The following PTPRD variants were observed in gnomAD, a reference collection of about 807,000 sequenced individuals.
PTPRD encodes receptor-type tyrosine-protein phosphatase delta.
Under a neutral mutation model 214.5 loss-of-function variants are expected in PTPRD, and 34 were observed. That is an observed-to-expected ratio of 0.16 (90% confidence interval 0.12 to 0.21). The LOEUF (loss-of-function observed/expected upper bound fraction) is 0.21. Among genes scored for constraint, PTPRD ranks in the 10% least tolerant of loss-of-function variants. The pLI is 1.00. For synonymous variants in PTPRD, 1,128 were observed against 845.7 expected (o/e 1.33, Z -5.79); for missense variants, 2,545 against 2,398.7 (o/e 1.06, Z -1.27).
At chr9:9,976,438 T>C (rs991451430) in intron 4 of PTPRD, among the ~76,000 whole-genome samples, 1 of 151,834 alleles carries the variant, frequency 6.6e-6, no homozygotes, top group African/African-American at 2.4e-5. Flanking sequence ...CCAGGCAGGA[T>C]TGCAGTGGCA....
chr9:9,927,818 A>G (rs1400775648), intron 5 of PTPRD, among the ~76,000 whole-genome samples: 2 of 152,120 alleles, frequency 1.3e-5, no homozygotes, highest in Non-Finnish European at 2.9e-5. Context: ...TCATTCTTCT[A>G]GCCCTAGCTT....
At chr9:9,309,866 C>T (rs1412403465) in intron 9 of PTPRD, among the ~76,000 whole-genome samples, 3 of 152,052 alleles carry the variant, frequency 2.0e-5, no homozygotes, top group Non-Finnish European at 4.4e-5. Flanking sequence ...CTTAAGTCAG[C>T]TCAGTTTTAA....
intron 7 of PTPRD, among the ~76,000 whole-genome samples, chr9:9,678,770 A>T (rs2096993182): frequency 6.6e-6 from 1 of 151,908 alleles, no homozygotes; most frequent in Non-Finnish European, 1.5e-5. Context: ...AACTGTATGT[A>T]TAAAAAGAAG....
chr9:8,538,169 C>G (rs550866509), intron 14 of PTPRD, among the ~76,000 whole-genome samples: 10 of 151,972 alleles, frequency 6.6e-5, no homozygotes, highest in African/African-American at 2.4e-4. Context: ...TTATATTTAT[C>G]AACAAGCAGG....
intron 5 of PTPRD, among the ~76,000 whole-genome samples, chr9:9,924,348 C>A (rs544296767): frequency 2.6e-5 from 4 of 151,982 alleles, no homozygotes; most frequent in Non-Finnish European, 5.9e-5. Context: ...CTCTATTGAA[C>A]AGGACTATAG....
chr9:9,105,166 A>C (rs2099796740), intron 10 of PTPRD, among the ~76,000 whole-genome samples: 1 of 152,202 alleles, frequency 6.6e-6, no homozygotes, highest in Non-Finnish European at 1.5e-5. Context: ...CTCAAATTTT[A>C]ACTGATGAGG....
intron 10 of PTPRD, among the ~76,000 whole-genome samples, chr9:9,147,662 C>T (rs1199293230): frequency 6.6e-6 from 1 of 152,122 alleles, no homozygotes; most frequent in Non-Finnish European, 1.5e-5. Context: ...GTTACAATTG[C>T]AGAGTTGAGC....
intron 9 of PTPRD, among the ~76,000 whole-genome samples, chr9:9,310,853 G>A (rs1958745419): frequency 6.6e-6 from 1 of 151,920 alleles, no homozygotes; most frequent in Non-Finnish European, 1.5e-5. Flanking sequence ...AGGAGGCAGA[G>A]GTTGTGGTGA....
At chr9:9,871,212 T>C (rs11999516) in intron 5 of PTPRD, among the ~76,000 whole-genome samples, 8,891 of 152,094 alleles carry the variant, frequency 0.058, 812 homozygotes, top group African/African-American at 0.2. Flanking sequence ...TAAAATAGAA[T>C]AAACCAATTA....
intron 14 of PTPRD, among the ~76,000 whole-genome samples, chr9:8,567,665 G>A (rs2089793459): frequency 6.6e-6 from 1 of 152,138 alleles, no homozygotes; most frequent in Non-Finnish European, 1.5e-5. Flanking sequence ...TGCTCTTTGA[G>A]CTCAGTAAAT....
At chr9:9,899,794 C>A (rs1022302176) in intron 5 of PTPRD, among the ~76,000 whole-genome samples, 3 of 151,808 alleles carry the variant, frequency 2.0e-5, no homozygotes, top group Non-Finnish European at 4.4e-5. Flanking sequence ...GATATAGAAT[C>A]AACTTAAGTG....
At chr9:8,474,388 C>T (rs570727743) in intron 30 of PTPRD, among the ~76,000 whole-genome samples, 5 of 152,204 alleles carry the variant, frequency 3.3e-5, no homozygotes, top group Admixed American at 3.3e-4. Flanking sequence ...GTCGGGCCCA[C>T]GTACCACTGA....
intron 3 of PTPRD, among the ~76,000 whole-genome samples, chr9:10,187,468 T>A (rs1013248655): frequency 3.9e-5 from 6 of 152,180 alleles, no homozygotes; most frequent in Non-Finnish European, 7.3e-5. Flanking sequence ...TTTGCTGGAG[T>A]TTAGTGATTC....
At chr9:10,229,690 C>T (rs553007216) in intron 3 of PTPRD, among the ~76,000 whole-genome samples, 3 of 45,216 alleles carry the variant, frequency 6.6e-5, no homozygotes, top group South Asian at 8.3e-4. Context: ...CATCACACTC[C>T]GGGGATGGTT....
intron 2 of PTPRD, among the ~76,000 whole-genome samples, chr9:10,475,339 C>G (rs1229614323): frequency 8.5e-5 from 13 of 152,060 alleles, no homozygotes. Flanking sequence ...AAACTACCAA[C>G]AGAGAATATT....
At chr9:9,334,744 T>C (rs1459337540) in intron 9 of PTPRD, among the ~76,000 whole-genome samples, 1 of 151,950 alleles carries the variant, frequency 6.6e-6, no homozygotes, top group Non-Finnish European at 1.5e-5. Flanking sequence ...TTAGTGTCTA[T>C]TATTATCATG....
intron 8 of PTPRD, among the ~76,000 whole-genome samples, chr9:9,510,667 A>G (rs2096680390): frequency 6.6e-6 from 1 of 151,328 alleles, no homozygotes; most frequent in African/African-American, 2.4e-5. Flanking sequence ...CTAGAAAAAA[A>G]CATTTGCCAT....
At chr9:9,484,834 A>G (rs948229090) in intron 8 of PTPRD, among the ~76,000 whole-genome samples, 3 of 152,148 alleles carry the variant, frequency 2.0e-5, no homozygotes, top group African/African-American at 7.2e-5. Context: ...TTAGGTCTCT[A>G]TATACCCGGT....
chr9:10,548,842 A>G (rs1227651185), intron 2 of PTPRD, among the ~76,000 whole-genome samples: 2 of 152,210 alleles, frequency 1.3e-5, no homozygotes. Flanking sequence ...GGGGGAAAGA[A>G]GCACAGTATC....
Sources: gnomAD v4.1 joint callset for allele counts (sites outside exome capture counted in the v4.1 genomes callset) on GRCh38, gnomAD v4.1.1 for gene constraint, MANE v1.5 for transcripts, NCBI Gene and HGNC (gene_info 2026-07-23, HGNC 2026-07-21) for gene names.